PAK5: variants seen among roughly 807,000 people sequenced by gnomAD.
PAK5 encodes the protein p21 (RAC1) activated kinase 5.
In PAK5, 16 loss-of-function variants were observed where a neutral mutation model predicts 65.9. The observed-to-expected ratio is 0.24, with a 90% CI of 0.16 to 0.37. The LOEUF (loss-of-function observed/expected upper bound fraction) is 0.37, where lower values mean the gene tolerates loss of function less well. PAK5 is among the 10% of genes least tolerant of loss of function. The probability of loss-of-function intolerance (pLI) is 1.00; values close to 1 mark genes in which losing one functional copy is unlikely to be tolerated. For missense variants in PAK5, 785 were observed against 903.9 expected (o/e 0.87, Z 1.69); for synonymous variants, 371 against 354.9 (o/e 1.05, Z -0.51).
chr20:9,657,553 A>G (rs2047285630), intron 2 of PAK5, among the ~76,000 whole-genome samples: 1 of 152,216 alleles, frequency 6.6e-6, no homozygotes, highest in African/African-American at 2.4e-5. Context: ...AACAAAACAG[A>G]TTAATTAAAA....
rs144954729 is a variant in PAK5, at chr20:9,784,912, A to G, written c.-162+53850T>C. ...GGCAAATAAAGAAATAGGTGGATAA[A>G]GTGTGTATCAAATTGAACAAAATGG... is the stretch of plus-strand genomic sequence containing the variant. On this transcript the variant is annotated intron_variant, in intron 1 of 9. Transcript: ENST00000353224. Among the ~76,000 whole-genome samples, 527 of 152,260 alleles carry G rather than the reference A, an allele frequency of 3.5e-3. 5 individuals carry two copies. Among genetic ancestry groups the G allele is most frequent in the African/African-American group, 0.012 (507 of 41,578 alleles).
chr20:9,629,978 G>C lies in PAK5; in HGVS notation c.204+14147C>G, dbSNP rs1235399599. On this transcript the variant is annotated intron_variant, in intron 3 of 9. Coordinates refer to ENST00000353224, the MANE Select transcript of PAK5 (RefSeq NM_177990.4). ...AAGGAAGGAGAAGGGAGAATCTTTTGTAATGTGAAGTTCGGTGAAATAGTC... is the reference window on the plus strand; with the variant it reads ...AAGGAAGGAGAAGGGAGAATCTTTTCTAATGTGAAGTTCGGTGAAATAGTC... Among the ~76,000 whole-genome samples, 4 of 152,308 alleles carry C rather than the reference G, an allele frequency of 2.6e-5. No homozygotes were observed. The East Asian group carries it at 5.8e-4, about 22-fold the overall frequency.
intron 2 of PAK5, among the ~76,000 whole-genome samples, chr20:9,689,443 T>C (rs182524071): frequency 4.3e-4 from 65 of 152,326 alleles, no homozygotes; most frequent in Non-Finnish European, 8.1e-4. Context: ...TTTCTCCTCC[T>C]TCACCCCTCT....
chr20:9,607,241 A>G (rs566010441), intron 3 of PAK5, among the ~76,000 whole-genome samples: 222 of 152,316 alleles, frequency 1.5e-3, no homozygotes, highest in African/African-American at 5.0e-3. Flanking sequence ...AGTCCTGCCA[A>G]AGGTGCATCA....
chr20:9,546,137 C>T (rs1291228503), intron 7 of PAK5, among the ~76,000 whole-genome samples: 2 of 152,154 alleles, frequency 1.3e-5, no homozygotes, highest in African/African-American at 4.8e-5. Context: ...CCCTGCCACA[C>T]ATGTTATTAT....
At chr20:9,835,172 C>T (rs769385942) in intron 1 of PAK5, among the ~76,000 whole-genome samples, 3 of 152,212 alleles carry the variant, frequency 2.0e-5, no homozygotes, top group African/African-American at 7.2e-5. Context: ...CGTTCCTTCA[C>T]TCATTCACCA....
intron 7 of PAK5, among the ~76,000 whole-genome samples, chr20:9,551,176 G>A (rs2045422523): frequency 6.6e-6 from 1 of 152,184 alleles, no homozygotes; most frequent in Non-Finnish European, 1.5e-5. Context: ...AAATCTGCAA[G>A]TAGATAATGA....
At chr20:9,805,139 T>C (rs1490511198) in intron 1 of PAK5, among the ~76,000 whole-genome samples, 1 of 152,130 alleles carries the variant, frequency 6.6e-6, no homozygotes, top group Non-Finnish European at 1.5e-5. Context: ...GCATCATTAG[T>C]CATCAGTGAA....
intron 2 of PAK5, among the ~76,000 whole-genome samples, chr20:9,659,206 T>C (rs1004517165): frequency 3.3e-5 from 5 of 152,168 alleles, no homozygotes; most frequent in Admixed American, 1.3e-4. Flanking sequence ...GGAAACACTG[T>C]CAAGTTTAAC....
chr20:9,789,442 T>G (rs1467619774), intron 1 of PAK5, among the ~76,000 whole-genome samples: 1 of 152,144 alleles, frequency 6.6e-6, no homozygotes, highest in Admixed American at 6.6e-5. Flanking sequence ...CTTTAAAAAC[T>G]CACTTAAACT....
chr20:9,574,842 C>T (rs542428656), intron 4 of PAK5, among the ~76,000 whole-genome samples: 2 of 152,272 alleles, frequency 1.3e-5, no homozygotes, highest in African/African-American at 4.8e-5. Flanking sequence ...TGATCAAGTG[C>T]TTCTCTCTTT....
intron 1 of PAK5, among the ~76,000 whole-genome samples, chr20:9,714,156 T>C (rs2048112887): frequency 6.6e-6 from 1 of 152,068 alleles, no homozygotes; most frequent in Non-Finnish European, 1.5e-5. Context: ...CTATAAAAAA[T>C]GAAATCCCAG....
intron 4 of PAK5, among the ~76,000 whole-genome samples, chr20:9,578,310 A>G (rs1351956807): frequency 6.6e-6 from 1 of 152,190 alleles, no homozygotes; most frequent in Non-Finnish European, 1.5e-5. Context: ...GGACTCAGGG[A>G]TACCAGTTCA....
At chr20:9,593,254 T>A (rs1056625323) in intron 3 of PAK5, among the ~76,000 whole-genome samples, 4 of 151,896 alleles carry the variant, frequency 2.6e-5, no homozygotes, top group African/African-American at 9.7e-5. Context: ...CAGTCAGGTA[T>A]AATCATACCA....
intron 1 of PAK5, among the ~76,000 whole-genome samples, chr20:9,786,654 G>A (rs1037918273): frequency 3.3e-5 from 5 of 151,952 alleles, no homozygotes; most frequent in South Asian, 2.1e-4. Flanking sequence ...ATGTCATACC[G>A]TTATTTAAAT....
intron 2 of PAK5, among the ~76,000 whole-genome samples, chr20:9,703,256 G>A (rs1277132416): frequency 6.6e-6 from 1 of 152,128 alleles, no homozygotes; most frequent in Non-Finnish European, 1.5e-5. Flanking sequence ...ATGAGTGAGT[G>A]TCTCTATATC....
intron 1 of PAK5, among the ~76,000 whole-genome samples, chr20:9,832,167 A>G (rs1193997461): frequency 6.6e-6 from 1 of 152,104 alleles, no homozygotes; most frequent in African/African-American, 2.4e-5. Flanking sequence ...ATTATAATAC[A>G]CAATTTTACC....
At chr20:9,712,748 C>T (rs1285897032) in intron 1 of PAK5, among the ~76,000 whole-genome samples, 4 of 152,000 alleles carry the variant, frequency 2.6e-5, no homozygotes, top group African/African-American at 9.7e-5. Context: ...GCCAAAGGCT[C>T]CAAGAACATA....
chr20:9,610,978 T>A (rs529304137), intron 3 of PAK5, among the ~76,000 whole-genome samples: 3 of 152,328 alleles, frequency 2.0e-5, no homozygotes, highest in African/African-American at 7.2e-5. Flanking sequence ...CAAATGGACA[T>A]CTCGGAAGCA....
Sources: gnomAD v4.1 joint callset for allele counts (sites outside exome capture counted in the v4.1 genomes callset) on GRCh38, gnomAD v4.1.1 for gene constraint, MANE v1.5 for transcripts, NCBI Gene and HGNC (gene_info 2026-07-23, HGNC 2026-07-21) for gene names.